CFAP47: variants seen among roughly 807,000 people sequenced by gnomAD.
CFAP47 encodes cilia- and flagella-associated protein 47.
A neutral mutation model predicts 148.1 loss-of-function variants in CFAP47; 29 were observed. That is an observed-to-expected ratio of 0.20 (90% CI 0.15 to 0.27). CFAP47 has a LOEUF of 0.27. Ranked by LOEUF, CFAP47 falls within the 10% of genes least tolerant of loss-of-function variation. The pLI, the probability that CFAP47 is intolerant of heterozygous loss-of-function variation, is 1.00. For missense variants in CFAP47, 1,872 were observed against 1,697.5 expected (o/e 1.10, Z -1.81); for synonymous variants, 664 against 577.3 (o/e 1.15, Z -2.15).
chrX:36,366,828 T>G (rs1478254337), intron 61 of CFAP47, 138 bp from the exon 62 acceptor site: 1 of 324,390 alleles, frequency 3.1e-6, no homozygotes, highest in Non-Finnish European at 5.3e-6. Flanking sequence ...TTTACATTAT[T>G]TTTAAGAATT....
At chrX:35,985,200 C>T (rs143045767) in intron 15 of CFAP47, among the ~76,000 whole-genome samples, 1,284 of 111,145 alleles carry the variant, frequency 0.012, 9 homozygotes, top group Non-Finnish European at 0.016. Context: ...GGTAGTGGGC[C>T]CCAGGTTTGT....
chrX:36,137,605 C>T (rs1004333701), intron 33 of CFAP47, among the ~76,000 whole-genome samples: 2 of 110,943 alleles, frequency 1.8e-5, no homozygotes, highest in African/African-American at 6.5e-5. Flanking sequence ...CCTTTTCAGT[C>T]TCCTTACCCA....
intron 26 of CFAP47, among the ~76,000 whole-genome samples, chrX:36,059,732 T>C (rs1158972970): frequency 8.9e-6 from 1 of 112,162 alleles, no homozygotes; most frequent in African/African-American, 3.2e-5. Flanking sequence ...GCATATGCAC[T>C]AGTAAGTTTG....
At chrX:36,243,685 A>G (rs1294433625) in intron 48 of CFAP47, among the ~76,000 whole-genome samples, 9 of 79,395 alleles carry the variant, frequency 1.1e-4, no homozygotes, top group African/African-American at 4.2e-4. Flanking sequence ...ATATATATAT[A>G]TATTCAATAT....
chrX:36,152,102 A>G (rs1400776062), intron 37 of CFAP47, among the ~76,000 whole-genome samples: 1 of 106,677 alleles, frequency 9.4e-6, no homozygotes, highest in African/African-American at 3.7e-5. Flanking sequence ...AATGGTGATT[A>G]GGTTTTCTTC....
chrX:36,000,977 T>C (rs1936907599), intron 20 of CFAP47, among the ~76,000 whole-genome samples: 1 of 111,678 alleles, frequency 9.0e-6, no homozygotes, highest in Non-Finnish European at 1.9e-5. Context: ...TATGGCTGCT[T>C]TTATGCTATA....
intron 17 of CFAP47, among the ~76,000 whole-genome samples, chrX:35,992,482 C>T (rs1166993587): frequency 1.8e-5 from 2 of 110,719 alleles, no homozygotes; most frequent in Non-Finnish European, 3.8e-5. Context: ...TCAAGCTTTA[C>T]ATTAATGTGT....
chrX:36,069,522 AAATTAT>A (rs1937707530), intron 27 of CFAP47, among the ~76,000 whole-genome samples: 1 of 111,870 alleles, frequency 8.9e-6, no homozygotes, highest in South Asian at 3.6e-4. Context: ...CAAAAGAAAG[AAATTAT>A]AATTCTTAAA....
intron 48 of CFAP47, among the ~76,000 whole-genome samples, chrX:36,246,853 G>A (rs1940621948): frequency 9.0e-6 from 1 of 111,399 alleles, no homozygotes; most frequent in African/African-American, 3.3e-5. Flanking sequence ...CAGCCACTTT[G>A]GGTAGCATTT....
intron 40 of CFAP47, among the ~76,000 whole-genome samples, chrX:36,186,441 A>G (rs193012248): frequency 1.8e-5 from 2 of 111,877 alleles, no homozygotes; most frequent in East Asian, 5.6e-4. Context: ...AGAAACACCT[A>G]TGTATATCAA....
At chrX:36,295,032 G>C (rs1282958813) in intron 51 of CFAP47, among the ~76,000 whole-genome samples, 1 of 111,861 alleles carries the variant, frequency 8.9e-6, no homozygotes, top group African/African-American at 3.2e-5. Context: ...AGGAGTCTGA[G>C]AAATGGAAGC....
chrX:36,042,538 A>G (rs1420594692), intron 25 of CFAP47, among the ~76,000 whole-genome samples: 1 of 110,805 alleles, frequency 9.0e-6, no homozygotes, highest in Non-Finnish European at 1.9e-5. Context: ...ACTTATAATA[A>G]CATCAAAAAT....
At chrX:36,011,085 A>T (rs184550315) in intron 21 of CFAP47, among the ~76,000 whole-genome samples, 2 of 112,121 alleles carry the variant, frequency 1.8e-5, no homozygotes, top group Admixed American at 1.9e-4. Flanking sequence ...ACTTTTCAAA[A>T]CTATTATTGC....
chrX:36,003,629 A>G (rs780585216), intron 21 of CFAP47, among the ~76,000 whole-genome samples: 1 of 110,565 alleles, frequency 9.0e-6, no homozygotes, highest in South Asian at 3.8e-4. Flanking sequence ...ACACCTCAAA[A>G]TAATAAGAGC....
intron 51 of CFAP47, among the ~76,000 whole-genome samples, chrX:36,292,101 A>G (rs1222860597): frequency 9.0e-6 from 1 of 111,278 alleles, no homozygotes; most frequent in Non-Finnish European, 1.9e-5. Flanking sequence ...CTATTAATGC[A>G]TCTTCAACAT....
Position 36,385,237 on chromosome X carries a change from T to C in CFAP47, c.*231T>C, listed in dbSNP as rs1257757036. 3 of 316,325 alleles carry C rather than the reference T, an allele frequency of 9.5e-6. No individual in the cohort carries two copies. The East Asian group carries it at 1.6e-4, about 17-fold the overall frequency. 26.1% of individuals were successfully genotyped at this position (316,325 alleles called of 1,213,427 possible). A position where few individuals can be genotyped will look rare whatever the true frequency, so the allele number is the denominator to read the frequency against. Reference sequence around the variant, plus strand: ...TCACTTTTAAAGTGCAGGTGTATATTTGTGGTAAAACGAAATATAATTTAA... The same window carrying C: ...TCACTTTTAAAGTGCAGGTGTATATCTGTGGTAAAACGAAATATAATTTAA... On this transcript the variant is annotated 3_prime_UTR_variant, in exon 64 of 64. Transcript: ENST00000378653.
chrX:36,150,410 C>G (rs1489353849), intron 37 of CFAP47, among the ~76,000 whole-genome samples: 1 of 111,986 alleles, frequency 8.9e-6, no homozygotes, highest in East Asian at 2.8e-4. Context: ...TAGCAGTTGA[C>G]AAATTTGATA....
At chrX:36,028,546 C>G (rs1311218253) in intron 22 of CFAP47, among the ~76,000 whole-genome samples, 3 of 111,004 alleles carry the variant, frequency 2.7e-5, no homozygotes, top group Non-Finnish European at 5.7e-5. Flanking sequence ...TTTCTTTCAT[C>G]AGTGTTTTGT....
chrX:35,926,214 A>C, intron 2 of CFAP47, 46 bp downstream of exon 2: 1 of 1,012,581 alleles, frequency 9.9e-7, no homozygotes, highest in South Asian at 2.5e-5. Context: ...ATACTCTTTA[A>C]ATAAAAATGA....
Sources: gnomAD v4.1 joint callset for allele counts (sites outside exome capture counted in the v4.1 genomes callset) on GRCh38, gnomAD v4.1.1 for gene constraint, MANE v1.5 for transcripts, NCBI Gene and HGNC (gene_info 2026-07-23, HGNC 2026-07-21) for gene names.